The following STPG2 variants were observed in gnomAD, a reference collection of about 807,000 sequenced individuals.
The protein encoded by STPG2 is sperm-tail PG-rich repeat-containing protein 2.
STPG2 carries 56 observed loss-of-function variants against 54.2 expected under a neutral mutation model. That is an observed-to-expected ratio of 1.03 (90% CI 0.83 to 1.29). The LOEUF is 1.29. Among genes scored for constraint, STPG2 ranks in the 50% most tolerant of loss-of-function variants. The pLI, the probability that STPG2 is intolerant of heterozygous loss-of-function variation, is 0.00. For synonymous variants in STPG2, 200 were observed against 181.8 expected (o/e 1.10, Z -0.81); for missense variants, 596 against 544.9 (o/e 1.09, Z -0.93).
chr4:98,126,509 C>T (rs1425249773), intron 3 of STPG2, among the ~76,000 whole-genome samples: 2 of 152,186 alleles, frequency 1.3e-5, no homozygotes, highest in South Asian at 2.1e-4. Flanking sequence ...CTCCCCTTGC[C>T]CCATGCAGCT....
intron 7 of STPG2, among the ~76,000 whole-genome samples, chr4:97,966,466 G>A (rs1272571116): frequency 6.6e-6 from 1 of 152,172 alleles, no homozygotes; most frequent in Admixed American, 6.5e-5. Flanking sequence ...TATTATCCAG[G>A]AGAACTTCCT....
At chr4:97,622,851 T>C (rs1250113459) in intron 10 of STPG2, among the ~76,000 whole-genome samples, 2 of 152,066 alleles carry the variant, frequency 1.3e-5, no homozygotes, top group African/African-American at 4.8e-5. Context: ...TGGCATCACA[T>C]TACCTGACTT....
At chr4:97,844,754 TA>T (rs1355054482) in intron 8 of STPG2, among the ~76,000 whole-genome samples, 2 of 152,032 alleles carry the variant, frequency 1.3e-5, no homozygotes, top group African/African-American at 4.8e-5. Flanking sequence ...TATCTTCAAA[TA>T]TTTTTTCTGC....
intron 4 of STPG2, among the ~76,000 whole-genome samples, chr4:97,514,622 ATATTTTAT>A (rs1267896550): frequency 6.6e-6 from 1 of 152,126 alleles, no homozygotes; most frequent in Non-Finnish European, 1.5e-5. Context: ...ATATATCCTT[ATATTTTAT>A]TAGCTTCAAG....
chr4:98,026,030 A>T, intron 5 of STPG2: 2 of 1,039,202 alleles, frequency 1.9e-6, no homozygotes, highest in Non-Finnish European at 2.9e-6. Context: ...AGATGAAGAT[A>T]ATTACAAGAA....
intron 10 of STPG2, among the ~76,000 whole-genome samples, chr4:97,595,043 G>A (rs7693696): frequency 0.64 from 97,164 of 151,940 alleles, 31,447 homozygotes; most frequent in African/African-American, 0.73. Context: ...TCAGTGTGGC[G>A]ATTCCTCAAG....
intron 5 of STPG2, among the ~76,000 whole-genome samples, chr4:98,067,825 C>A (rs1456521815): frequency 1.3e-5 from 2 of 152,108 alleles, no homozygotes; most frequent in African/African-American, 2.4e-5. Flanking sequence ...TTGCTCATAT[C>A]ATGCTTTATT....
chr4:97,735,136 G>A (rs1724936286), intron 9 of STPG2, among the ~76,000 whole-genome samples: 1 of 151,772 alleles, frequency 6.6e-6, no homozygotes, highest in Non-Finnish European at 1.5e-5. Flanking sequence ...GCAGAATATG[G>A]AGTGGGTGAA....
At chr4:97,453,406 C>T (rs1012342531) in intron 4 of STPG2, among the ~76,000 whole-genome samples, 2 of 152,178 alleles carry the variant, frequency 1.3e-5, no homozygotes, top group Admixed American at 1.3e-4. Context: ...GGATCCAGGC[C>T]AGTAGAGTGA....
intron 10 of STPG2, among the ~76,000 whole-genome samples, chr4:97,652,438 G>T (rs1164918221): frequency 6.6e-6 from 1 of 151,582 alleles, no homozygotes; most frequent in Non-Finnish European, 1.5e-5. Flanking sequence ...AAAAAATAAA[G>T]AGAAACTTGC....
intron 4 of STPG2, among the ~76,000 whole-genome samples, chr4:97,470,228 T>C (rs2148814333): frequency 6.6e-6 from 1 of 152,172 alleles, no homozygotes; most frequent in South Asian, 2.1e-4. Flanking sequence ...GAGAGAAATA[T>C]GATAGATGAA....
At chr4:97,958,945 G>A (rs1446435711) in intron 7 of STPG2, among the ~76,000 whole-genome samples, 1 of 152,050 alleles carries the variant, frequency 6.6e-6, no homozygotes, top group African/African-American at 2.4e-5. Flanking sequence ...CACATGCAAT[G>A]TTCTCCAAGA....
chr4:97,574,441 TA>T (rs375420912), intron 10 of STPG2, among the ~76,000 whole-genome samples: 22,949 of 145,948 alleles, frequency 0.16, 5,078 homozygotes, highest in African/African-American at 0.5. Flanking sequence ...TAGACAGTTG[TA>T]AAAAAAAAAA....
chr4:97,943,000 G>C (rs1456164422), intron 8 of STPG2, among the ~76,000 whole-genome samples: 2 of 152,142 alleles, frequency 1.3e-5, no homozygotes, highest in African/African-American at 4.8e-5. Flanking sequence ...TGGGTAGCTT[G>C]TAAATGAAAT....
rs6812027 is a variant in STPG2, at chr4:97,975,042, A to G, written c.773-2602T>C. The stretch of plus-strand genomic sequence containing the variant: ...ATCATAAGTAAAAAAAGGCAGACTC[A>G]AAAGCTTGAATAATGTATAATTCCA... On this transcript the variant is annotated intron_variant, in intron 6 of 10. Coordinates refer to ENST00000295268, the MANE Select transcript of STPG2 (RefSeq NM_174952.3). Among the ~76,000 whole-genome samples the G allele has an allele frequency of 1.5e-3, 234 of 152,358 alleles. 1 individual carries two copies. Among genetic ancestry groups the G allele is most frequent in the African/African-American group, 5.4e-3 (226 of 41,592 alleles).
intron 8 of STPG2, among the ~76,000 whole-genome samples, chr4:97,861,865 C>G (rs1729557762): frequency 6.6e-6 from 1 of 151,996 alleles, no homozygotes; most frequent in African/African-American, 2.4e-5. Flanking sequence ...TACAGACAAG[C>G]AAATGCTGAG....
At chr4:97,708,907 A>C (rs1232087231) in intron 10 of STPG2, among the ~76,000 whole-genome samples, 7 of 151,902 alleles carry the variant, frequency 4.6e-5, no homozygotes, top group Admixed American at 3.9e-4. Context: ...ATTCCTTTAT[A>C]ATTTTTTCAT....
intron 5 of STPG2, among the ~76,000 whole-genome samples, chr4:98,002,929 A>C (rs1735456566): frequency 6.6e-6 from 1 of 152,236 alleles, no homozygotes; most frequent in East Asian, 1.9e-4. Flanking sequence ...GCATAAAAAT[A>C]AGTTTTATTT....
intron 9 of STPG2, among the ~76,000 whole-genome samples, chr4:97,719,260 T>G (rs1724378083): frequency 6.6e-6 from 1 of 151,950 alleles, no homozygotes; most frequent in Non-Finnish European, 1.5e-5. Flanking sequence ...TACCCTTCTA[T>G]AGCTTTAGAA....
Sources: allele counts gnomAD v4.1 joint callset (sites outside exome capture counted in the v4.1 genomes callset), GRCh38; gene constraint gnomAD v4.1.1; transcripts MANE v1.5; gene names NCBI Gene and HGNC (gene_info 2026-07-23, HGNC 2026-07-21).